The following NXPH2 variants were observed in gnomAD, a reference collection of about 807,000 sequenced individuals.
The protein encoded by NXPH2 is neurexophilin-2.
Under a neutral mutation model 19.8 loss-of-function variants are expected in NXPH2, and 5 were observed. That is an observed-to-expected ratio of 0.25 (90% CI 0.13 to 0.53). The LOEUF (loss-of-function observed/expected upper bound fraction) is 0.53. NXPH2 is among the 20% of genes least tolerant of loss of function. The probability of loss-of-function intolerance (pLI) is 0.96; values close to 1 mark genes in which losing one functional copy is unlikely to be tolerated. For synonymous variants in NXPH2, 154 were observed against 127.4 expected, an observed-to-expected ratio of 1.21 and a Z score of -1.41; for missense variants, 289 against 322.8, an observed-to-expected ratio of 0.90 and a Z score of 0.80.
chr2:138,743,516 G>C (rs553145599), intron 1 of NXPH2, among the ~76,000 whole-genome samples: 1 of 152,312 alleles, frequency 6.6e-6, no homozygotes, highest in South Asian at 2.1e-4. Flanking sequence ...CCTAAGACTG[G>C]AGAGAGAGCA....
At chr2:138,721,138 G>A (rs536972608) in intron 1 of NXPH2, among the ~76,000 whole-genome samples, 98 of 152,196 alleles carry the variant, frequency 6.4e-4, no homozygotes, top group African/African-American at 2.1e-3. Flanking sequence ...TCAGGAGTTC[G>A]AGACCATCCT....
chr2:138,776,474 T>G (rs564839828), intron 1 of NXPH2, among the ~76,000 whole-genome samples: 9 of 152,170 alleles, frequency 5.9e-5, no homozygotes, highest in African/African-American at 2.2e-4. Context: ...CAACTTGTAC[T>G]GGGAGGTGGG....
chr2:138,697,423 G>A (rs943651898), intron 1 of NXPH2, among the ~76,000 whole-genome samples: 1 of 151,814 alleles, frequency 6.6e-6, no homozygotes, highest in African/African-American at 2.4e-5. Flanking sequence ...TATTCACAAT[G>A]GTAAGAATAT....
In NXPH2 at chr2:138,716,395, C is replaced by G. The variant is rs145208314; in HGVS notation, c.52-44730G>C. Among the ~76,000 whole-genome samples, 156 of 152,298 alleles carry G rather than the reference C, an allele frequency of 1.0e-3. 1 individual carries two copies. Among genetic ancestry groups the G allele is most frequent in the African/African-American group, 3.6e-3 (149 of 41,572 alleles). On this transcript the variant is annotated intron_variant, in intron 1 of 1. Transcript: ENST00000272641. ...AAAAAGAGAAAGACTAGAGCTCCCT[C>G]TCTCTGCAATGTGAGGCCTCATTGA...
chr2:138,739,107 A>G (rs1357606500), intron 1 of NXPH2, among the ~76,000 whole-genome samples: 1 of 152,198 alleles, frequency 6.6e-6, no homozygotes, highest in Non-Finnish European at 1.5e-5. Context: ...TCCACGGGAA[A>G]TGTTTTACTG....
chr2:138,711,576 C>T (rs555959479), intron 1 of NXPH2, among the ~76,000 whole-genome samples: 17 of 152,154 alleles, frequency 1.1e-4, no homozygotes, highest in Non-Finnish European at 2.1e-4. Flanking sequence ...TCTTTGGTTG[C>T]AGTATCATAT....
Position 138,708,530 on chromosome 2 carries a change from A to G in NXPH2, c.52-36865T>C, listed in dbSNP as rs534038439. Among the ~76,000 whole-genome samples, 4 of 152,356 alleles carry G rather than the reference A, an allele frequency of 2.6e-5. No individual in the cohort carries two copies. In the East Asian group the frequency reaches 7.7e-4, roughly 29 times the overall value. On this transcript the variant is annotated intron_variant, in intron 1 of 1. Transcript: ENST00000272641. ...CCAGCTCATTTAGCAATTTGAGTGA[A>G]CATTGCTAATACATTTCCAGAGTTT...
At chr2:138,708,785 A>G (rs544456656) in intron 1 of NXPH2, among the ~76,000 whole-genome samples, 125 of 152,342 alleles carry the variant, frequency 8.2e-4, no homozygotes, top group African/African-American at 2.8e-3. Flanking sequence ...CTTGACTCAC[A>G]GGCTGGAGGA....
At chr2:138,694,119 C>T (rs954109320) in intron 1 of NXPH2, among the ~76,000 whole-genome samples, 1 of 152,154 alleles carries the variant, frequency 6.6e-6, no homozygotes, top group Non-Finnish European at 1.5e-5. Context: ...TTTTAAAAAA[C>T]TGTAACCAGC....
At chr2:138,755,980 C>T (rs1681902727) in intron 1 of NXPH2, among the ~76,000 whole-genome samples, 1 of 151,920 alleles carries the variant, frequency 6.6e-6, no homozygotes, top group Admixed American at 6.6e-5. Context: ...TTGTTCTTTA[C>T]TGGTATACAG....
intron 1 of NXPH2, among the ~76,000 whole-genome samples, chr2:138,696,757 C>A (rs939675165): frequency 6.6e-6 from 1 of 152,034 alleles, no homozygotes; most frequent in South Asian, 2.1e-4. Context: ...AGGTATTTAT[C>A]CAAGAGAAAT....
rs1251234060 is a variant in NXPH2, at chr2:138,670,192, GA to G, written c.*729del. ...TATCAGAAGAGTCTAAAAACATCATGATTTTTGTTATCGTTCAACAAACTTA... is the reference window on the plus strand; with the variant it reads ...TATCAGAAGAGTCTAAAAACATCATGTTTTTGTTATCGTTCAACAAACTTA... On this transcript the variant is annotated 3_prime_UTR_variant, in exon 2 of 2. Transcript: ENST00000272641. Among the ~76,000 whole-genome samples, 5 of 152,162 alleles carry G rather than the reference GA, an allele frequency of 3.3e-5. No individual in the cohort carries two copies. Among genetic ancestry groups the G allele is most frequent in the Non-Finnish European group, 7.4e-5 (5 of 68,026 alleles).
intron 1 of NXPH2, among the ~76,000 whole-genome samples, chr2:138,711,488 T>C (rs1681105565): frequency 6.6e-6 from 1 of 152,134 alleles, no homozygotes; most frequent in Non-Finnish European, 1.5e-5. Flanking sequence ...GCCTCCATCC[T>C]ACTTGATGCC....
At chr2:138,763,421 C>T (rs1682047976) in intron 1 of NXPH2, among the ~76,000 whole-genome samples, 1 of 152,066 alleles carries the variant, frequency 6.6e-6, no homozygotes, top group African/African-American at 2.4e-5. Context: ...AAAAATACTG[C>T]ATAGCATATT....
At position 138,780,252 on chromosome 2, in the gene NXPH2, G is replaced by A; in HGVS notation, c.-11C>T. On this transcript the variant is annotated 5_prime_UTR_variant, in exon 1 of 2. Coordinates refer to ENST00000272641, the MANE Select transcript of NXPH2 (RefSeq NM_007226.3). Reference sequence around the variant, plus strand: ...CGGCCGCAGGCGCATGGTGCCGGCTGGCGCGGCTTTTCACGAGCTGCGCGC... The same window carrying A: ...CGGCCGCAGGCGCATGGTGCCGGCTAGCGCGGCTTTTCACGAGCTGCGCGC... 3.5e-6 allele frequency: 5 copies of A among 1,427,562 alleles called. No individual in the cohort carries two copies. The highest frequency in any genetic ancestry group is 3.6e-6 in the Non-Finnish European group (4 of 1,101,328). The allele number at this position is 1,427,562 out of a possible 1,614,324, so 88.4% of individuals were successfully genotyped here.
intron 1 of NXPH2, among the ~76,000 whole-genome samples, chr2:138,680,509 A>C (rs998986001): frequency 6.6e-6 from 1 of 152,218 alleles, no homozygotes; most frequent in Non-Finnish European, 1.5e-5. Context: ...CAGGACAGAC[A>C]CAGGTCCTGT....
chr2:138,770,773 T>C (rs953907331), intron 1 of NXPH2, among the ~76,000 whole-genome samples: 1 of 152,038 alleles, frequency 6.6e-6, no homozygotes, highest in Non-Finnish European at 1.5e-5. Context: ...AGAACAATTG[T>C]GCGTGAGCAA....
intron 1 of NXPH2, among the ~76,000 whole-genome samples, chr2:138,740,009 T>C (rs1384061810): frequency 6.6e-6 from 1 of 152,180 alleles, no homozygotes; most frequent in Non-Finnish European, 1.5e-5. Context: ...TCCCTCTATC[T>C]CTGCTCTCTA....
chr2:138,702,440 TA>T lies in NXPH2; in HGVS notation c.52-30776del, dbSNP rs67838217. Among the ~76,000 whole-genome samples the T allele has an allele frequency of 6.5e-3, 984 of 152,282 alleles. 12 individuals are homozygous for T. Among genetic ancestry groups the T allele is most frequent in the African/African-American group, 0.022 (902 of 41,558 alleles). On this transcript the variant is annotated intron_variant, in intron 1 of 1. Transcript: ENST00000272641. ...TGGCCTGTTTCTTTTTCTGTTAGTG[TA>T]TTCCATACTTAGGTCCTGACTTGAA...
Sources: gnomAD v4.1 joint callset for allele counts (sites outside exome capture counted in the v4.1 genomes callset) on GRCh38, gnomAD v4.1.1 for gene constraint, MANE v1.5 for transcripts, NCBI Gene and HGNC (gene_info 2026-07-23, HGNC 2026-07-21) for gene names.